Variants in ASIC2 observed in about 807,000 individuals in gnomAD.
ASIC2 encodes acid sensing ion channel subunit 2, also known as acid-sensing ion channel 2.
Under a neutral mutation model 57.3 loss-of-function variants are expected in ASIC2, and 25 were observed. The observed-to-expected ratio is 0.44, with a 90% confidence interval of 0.32 to 0.61. The LOEUF is 0.61. Among genes scored for constraint, ASIC2 ranks in the 20% least tolerant of loss-of-function variants. The pLI is 0.06. For synonymous variants in ASIC2, 319 were observed against 307.5 expected (o/e 1.04, Z -0.39); for missense variants, 641 against 738.1 (o/e 0.87, Z 1.52).
intron 3 of ASIC2, among the ~76,000 whole-genome samples, chr17:33,080,922 T>C (rs919342832): frequency 6.6e-6 from 1 of 152,214 alleles, no homozygotes; most frequent in Admixed American, 6.5e-5. Flanking sequence ...TTCTGGAATT[T>C]TCCATTTAAT....
intron 1 of ASIC2, among the ~76,000 whole-genome samples, chr17:33,790,116 G>A (rs1911726633): frequency 6.6e-6 from 1 of 152,186 alleles, no homozygotes; most frequent in Admixed American, 6.5e-5. Context: ...TAATACTAAT[G>A]TGGGCATTAA....
chr17:34,017,608 G>C (rs1369020789), intron 1 of ASIC2, among the ~76,000 whole-genome samples: 2 of 152,212 alleles, frequency 1.3e-5, no homozygotes, highest in Admixed American at 6.5e-5. Context: ...AGAAGCTCTT[G>C]AAGGAAATTA....
chr17:34,151,809 C>A (rs1307725696), intron 1 of ASIC2, among the ~76,000 whole-genome samples: 1 of 152,128 alleles, frequency 6.6e-6, no homozygotes, highest in Non-Finnish European at 1.5e-5. Flanking sequence ...TAGGCACCTG[C>A]CACATAGTAG....
chr17:33,246,671 T>C (rs1908701899), intron 1 of ASIC2, among the ~76,000 whole-genome samples: 1 of 152,212 alleles, frequency 6.6e-6, no homozygotes, highest in South Asian at 2.1e-4. Flanking sequence ...TAAAAACAAT[T>C]GCCTAAATGA....
At chr17:33,349,012 G>C (rs895409104) in intron 1 of ASIC2, among the ~76,000 whole-genome samples, 1 of 152,174 alleles carries the variant, frequency 6.6e-6, no homozygotes, top group Non-Finnish European at 1.5e-5. Context: ...GTAGCTCTGG[G>C]ATTGATCCCG....
intron 1 of ASIC2, among the ~76,000 whole-genome samples, chr17:33,704,335 G>A (rs1908799349): frequency 6.6e-6 from 1 of 152,158 alleles, no homozygotes; most frequent in Admixed American, 6.5e-5. Flanking sequence ...CTGCACGTGT[G>A]CACTCAGAGA....
At chr17:33,869,783 T>A (rs1297564066) in intron 1 of ASIC2, among the ~76,000 whole-genome samples, 1 of 152,230 alleles carries the variant, frequency 6.6e-6, no homozygotes, top group Non-Finnish European at 1.5e-5. Context: ...AAATTCCTTT[T>A]TTGGGATAAT....
chr17:33,571,800 C>T (rs566001470), intron 1 of ASIC2, among the ~76,000 whole-genome samples: 3 of 152,292 alleles, frequency 2.0e-5, no homozygotes, highest in East Asian at 3.9e-4. Flanking sequence ...TCATCTCGGC[C>T]ATTTGCATGT....
chr17:33,677,299 C>A (rs1445170324), intron 1 of ASIC2, among the ~76,000 whole-genome samples: 1 of 152,124 alleles, frequency 6.6e-6, no homozygotes, highest in Admixed American at 6.5e-5. Flanking sequence ...TTGTTAGAGG[C>A]CAGCGTAGGA....
intron 1 of ASIC2, among the ~76,000 whole-genome samples, chr17:33,597,229 C>T (rs1359421920): frequency 1.3e-5 from 2 of 152,240 alleles, no homozygotes; most frequent in East Asian, 1.9e-4. Flanking sequence ...CCATGGACAT[C>T]TCATGAGTCT....
intron 1 of ASIC2, among the ~76,000 whole-genome samples, chr17:33,494,631 T>C (rs1018635627): frequency 7.2e-5 from 11 of 152,010 alleles, no homozygotes; most frequent in Non-Finnish European, 1.6e-4. Context: ...CAGCACACAT[T>C]GTGGGGTCAC....
intron 1 of ASIC2, among the ~76,000 whole-genome samples, chr17:33,112,328 T>A (rs1327798792): frequency 6.6e-6 from 1 of 152,194 alleles, no homozygotes; most frequent in Non-Finnish European, 1.5e-5. Context: ...CTCTGAGCAC[T>A]ACCTCTGGGA....
At chr17:33,595,123 G>T (rs1442628056) in intron 1 of ASIC2, among the ~76,000 whole-genome samples, 1 of 152,182 alleles carries the variant, frequency 6.6e-6, no homozygotes, top group Non-Finnish European at 1.5e-5. Context: ...CTACATGGGA[G>T]GCTGAGGCAG....
chr17:33,090,337 C>T (rs1428469120), intron 2 of ASIC2, among the ~76,000 whole-genome samples: 1 of 152,178 alleles, frequency 6.6e-6, no homozygotes, highest in Non-Finnish European at 1.5e-5. Context: ...CTGTTTCCTC[C>T]AGCAGGCTGG....
At chr17:33,542,153 C>T (rs2141969811) in intron 1 of ASIC2, among the ~76,000 whole-genome samples, 1 of 152,276 alleles carries the variant, frequency 6.6e-6, no homozygotes, top group South Asian at 2.1e-4. Flanking sequence ...CATTGTTGGA[C>T]ATTTGGGTTG....
intron 1 of ASIC2, among the ~76,000 whole-genome samples, chr17:33,208,878 G>A (rs1485375887): frequency 1.3e-5 from 2 of 152,158 alleles, no homozygotes; most frequent in African/African-American, 4.8e-5. Context: ...GTGTGGAGGA[G>A]TTCCAATTGT....
intron 1 of ASIC2, chr17:33,935,934 A>T (rs1916049398): frequency 6.6e-6 from 1 of 152,220 alleles, no homozygotes; most frequent in African/African-American, 2.4e-5. Flanking sequence ...GGGAGGTGAG[A>T]CAGGGCTCTC....
At chr17:33,095,616 G>T (rs2092175732) in intron 2 of ASIC2, among the ~76,000 whole-genome samples, 1 of 148,586 alleles carries the variant, frequency 6.7e-6, no homozygotes, top group Admixed American at 6.7e-5. Context: ...TGGCCAAGCT[G>T]GGTTCACATG....
At chr17:33,961,606 A>C (rs2141992261) in intron 1 of ASIC2, among the ~76,000 whole-genome samples, 1 of 152,336 alleles carries the variant, frequency 6.6e-6, no homozygotes, top group Middle Eastern at 3.4e-3. Context: ...TCTCCAGAGC[A>C]GACTTGCTGT....
Sources: gnomAD v4.1 joint callset for allele counts (sites outside exome capture counted in the v4.1 genomes callset) on GRCh38, gnomAD v4.1.1 for gene constraint, MANE v1.5 for transcripts, NCBI Gene and HGNC (gene_info 2026-07-23, HGNC 2026-07-21) for gene names.